The following RAB17 variants were observed in gnomAD, a reference collection of about 807,000 sequenced individuals.
The protein encoded by RAB17 is RAB17, member RAS oncogene family, also known as ras-related protein Rab-17.
A neutral mutation model predicts 19.3 loss-of-function variants in RAB17; 15 were observed. That is an observed-to-expected ratio of 0.78 (90% confidence interval 0.52 to 1.20). The LOEUF is 1.20. Ranked by LOEUF, RAB17 falls within the 50% of genes most tolerant of loss-of-function variation. The probability of loss-of-function intolerance (pLI) is 0.00; values close to 1 mark genes in which losing one functional copy is unlikely to be tolerated. For synonymous variants in RAB17, 110 were observed against 112.8 expected (o/e 0.97, Z 0.16); for missense variants, 262 against 269.3 (o/e 0.97, Z 0.19).
At chr2:237,580,632 G>C (rs540505000) in intron 2 of RAB17, among the ~76,000 whole-genome samples, 1 of 152,104 alleles carries the variant, frequency 6.6e-6, no homozygotes, top group South Asian at 2.1e-4. Context: ...CCAGCTACTC[G>C]GGAGGCCGAA....
rs2081387823 is a variant in RAB17 at position 237,590,560 on chromosome 2, G to C, written c.-97C>G. On this transcript the variant is annotated 5_prime_UTR_variant, in exon 1 of 6. Transcript: ENST00000264601. ...CCTGTCTCCGCTTTCTCCTCTCTCTGGTCCAGGGGAAGGTTTGCTTCCCTC... is the reference window on the plus strand; with the variant it reads ...CCTGTCTCCGCTTTCTCCTCTCTCTCGTCCAGGGGAAGGTTTGCTTCCCTC... 1 of 152,346 alleles carries C rather than the reference G, an allele frequency of 6.6e-6. No individual in the cohort carries two copies. The highest frequency in any genetic ancestry group is 6.5e-5 in the Admixed American group (1 of 15,284). The allele number at this position is 152,346 out of a possible 1,614,324, so 9.4% of individuals were successfully genotyped here.
At chr2:237,586,207 C>A in intron 1 of RAB17, 50 bp from the exon 2 acceptor site, 2 of 1,530,126 alleles carry the variant, frequency 1.3e-6, no homozygotes, top group Non-Finnish European at 8.8e-7. Context: ...GGAGCCACAT[C>A]ATCTCAGCAA....
At chr2:237,576,711 G>GGGATGCC in intron 4 of RAB17, 1 of 471,222 alleles carries the variant, frequency 2.1e-6, no homozygotes, top group Non-Finnish European at 4.4e-6. Flanking sequence ...TGGGGGAGGT[G>GGGATGCC]GGATGCCGTG....
At chr2:237,575,172 C>T (rs1384261790) in intron 5 of RAB17, 44 bp from the exon 6 acceptor site, 3 of 1,533,394 alleles carry the variant, frequency 2.0e-6, no homozygotes, top group Admixed American at 1.7e-5. Context: ...AGGGAAGTCG[C>T]CCAGCCCAGC....
In RAB17 at chr2:237,575,368, C is replaced by T. The variant is rs1282675426; in HGVS notation, c.529+19G>A. On this transcript the variant is annotated intron_variant, in intron 5 of 5. Coordinates refer to ENST00000264601, the MANE Select transcript of RAB17 (RefSeq NM_022449.4). ...GACAAGCACCTCCCCCTTGTCTGGCCCACGGGGACGTGACTCACCCACTGT... is the reference window on the plus strand; with the variant it reads ...GACAAGCACCTCCCCCTTGTCTGGCTCACGGGGACGTGACTCACCCACTGT... 1 of 1,592,276 alleles carries T rather than the reference C, an allele frequency of 6.3e-7. No individual in the cohort carries two copies.
In RAB17 at chr2:237,577,265, T is replaced by A; in HGVS notation, c.427A>T (p.Thr143Ser). The change falls in exon 4 of 6, where the codon ACC (threonine) becomes TCC (serine). Residue 143 changes from threonine to serine, a missense_variant. Thr to Ser is a moderately conservative substitution (Grantham distance 58). Transcript: ENST00000264601. ...KTDLSQEREV[T>S]FQEGKEFADS... ...GGTCTCCTGGGCGGTACCTGGAAGGTCACCTCCCGCTCCTGGCTGAGGTCC... is the reference window on the plus strand; with the variant it reads ...GGTCTCCTGGGCGGTACCTGGAAGGACACCTCCCGCTCCTGGCTGAGGTCC... 1 of 1,612,748 alleles carries A rather than the reference T, an allele frequency of 6.2e-7. No homozygotes were observed. The highest frequency in any genetic ancestry group is 8.5e-7 in the Non-Finnish European group (1 of 1,179,634).
chr2:237,587,574 C>T (rs2081359770), intron 1 of RAB17, among the ~76,000 whole-genome samples: 1 of 152,102 alleles, frequency 6.6e-6, no homozygotes, highest in Admixed American at 6.6e-5. Context: ...AATCTCAAAA[C>T]AAATAGGACT....
At chr2:237,575,552 A>C in intron 4 of RAB17, 72 bp from the exon 5 acceptor site, 1 of 1,146,246 alleles carries the variant, frequency 8.7e-7, no homozygotes, top group Non-Finnish European at 1.3e-6. Flanking sequence ...TTCACTTCCA[A>C]CAGTAAGATC....
rs762401458 is a variant in RAB17, at chr2:237,574,586, T to C, written c.*433A>G. The C allele has an allele frequency of 1.3e-6, 2 of 1,546,060 alleles. No individual in the cohort carries two copies. Among genetic ancestry groups the C allele is most frequent in the East Asian group, 4.9e-5 (2 of 40,754 alleles). On this transcript the variant is annotated 3_prime_UTR_variant, in exon 6 of 6. Transcript: ENST00000264601. ...TTTCTTCCTGGCACCACCACCTCCA[T>C]CTGGCCTGCTCCCCAACCCCCCAGA...
chr2:237,588,118 G>A (rs73085801), intron 1 of RAB17, among the ~76,000 whole-genome samples: 21,353 of 152,118 alleles, frequency 0.14, 2,713 homozygotes, highest in African/African-American at 0.34. Context: ...AAGCAGATTT[G>A]GAAACTTAGT....
In RAB17 at chr2:237,586,076, T is replaced by A. The variant is rs141367631; in HGVS notation, c.79A>T (p.Ser27Cys). 24 of 1,613,570 alleles carry A rather than the reference T, an allele frequency of 1.5e-5. No individual in the cohort carries two copies. In the African/African-American group the frequency reaches 2.5e-4, roughly 17 times the overall value. Reference sequence around the variant, plus strand: ...AAGCTGGACTTACCCACGGAGCCACTTCCCAGGAGAACCAGCTTGAACACA... The same window carrying A: ...AAGCTGGACTTACCCACGGAGCCACATCCCAGGAGAACCAGCTTGAACACA... ...PRVFKLVLLG[S>C]GSVGKSSLAL... The change falls in exon 2 of 6, where the codon AGT (serine) becomes TGT (cysteine). Residue 27 changes from serine to cysteine, a missense_variant. Transcript: ENST00000264601.
At chr2:237,586,195 T>A in intron 1 of RAB17, 38 bp from the exon 2 acceptor site, 1 of 1,546,486 alleles carries the variant, frequency 6.5e-7, no homozygotes, top group Non-Finnish European at 8.7e-7. Flanking sequence ...AAGTGGAACA[T>A]CGGAGCCACA....
chr2:237,577,027 T>C (rs1243903772), intron 4 of RAB17, among the ~76,000 whole-genome samples: 1 of 152,072 alleles, frequency 6.6e-6, no homozygotes, highest in East Asian at 1.9e-4. Context: ...TGTGTGTGTG[T>C]GCGTGTGTGT....
chr2:237,585,301 G>C (rs963873528), intron 2 of RAB17: 1 of 167,692 alleles, frequency 6.0e-6, no homozygotes, highest in African/African-American at 2.4e-5. Flanking sequence ...CCCCCAGGGG[G>C]AATGGGCATA....
rs925702490 is a variant in RAB17, at chr2:237,580,085, C to G, written c.158-1930G>C. Among the ~76,000 whole-genome samples the G allele has an allele frequency of 5.3e-5, 8 of 152,362 alleles. 1 individual carries two copies. Among genetic ancestry groups the G allele is most frequent in the Admixed American group, 5.2e-4 (8 of 15,304 alleles). On this transcript the variant is annotated intron_variant, in intron 2 of 5. Transcript: ENST00000264601. The stretch of plus-strand genomic sequence containing the variant: ...ACCGTGCCCAGAATATAAATGTACA[C>G]CCATCAGCTGATCTGATGGCAGCTT...
At chr2:237,590,047 G>A (rs952340884) in intron 1 of RAB17, among the ~76,000 whole-genome samples, 1 of 152,112 alleles carries the variant, frequency 6.6e-6, no homozygotes, top group Non-Finnish European at 1.5e-5. Flanking sequence ...TTGTAAAAAG[G>A]AGTTTACAAG....
chr2:237,578,225 G>A (rs1217568549), intron 2 of RAB17, 70 bp from the exon 3 acceptor site: 41 of 1,489,534 alleles, frequency 2.8e-5, no homozygotes, highest in Admixed American at 5.9e-5. Flanking sequence ...GTGGGACCAC[G>A]GCAAGCCGCA....
At chr2:237,585,861 C>T (rs1384396007) in intron 2 of RAB17, 137 bp downstream of exon 2, 8 of 850,806 alleles carry the variant, frequency 9.4e-6, no homozygotes, top group East Asian at 5.8e-5. Flanking sequence ...CCTCCCCTCA[C>T]GCACTGGACA....
At chr2:237,582,912 G>A (rs543041135) in intron 2 of RAB17, among the ~76,000 whole-genome samples, 91 of 152,326 alleles carry the variant, frequency 6.0e-4, no homozygotes, top group African/African-American at 2.2e-3. Context: ...TTCAAAACCA[G>A]CCTGGCCAAC....
Sources: gnomAD v4.1 joint callset for allele counts (sites outside exome capture counted in the v4.1 genomes callset) on GRCh38, gnomAD v4.1.1 for gene constraint, MANE v1.5 for transcripts, NCBI Gene and HGNC (gene_info 2026-07-23, HGNC 2026-07-21) for gene names.